CDKL1: variants seen among roughly 807,000 people sequenced by gnomAD.
CDKL1 encodes cyclin dependent kinase like 1.
CDKL1 carries 41 observed loss-of-function variants against 42.0 expected under a neutral mutation model. That is an observed-to-expected ratio of 0.98 (90% CI 0.76 to 1.27). CDKL1 has a LOEUF of 1.27. Ranked by LOEUF, CDKL1 falls within the 50% of genes most tolerant of loss-of-function variation. The pLI is 0.00. For missense variants in CDKL1, 394 were observed against 428.4 expected, an observed-to-expected ratio of 0.92 and a Z score of 0.71; for synonymous variants, 153 against 158.6, an observed-to-expected ratio of 0.96 and a Z score of 0.26.
chr14:50,394,760 C>T (rs942999022), intron 2 of CDKL1, among the ~76,000 whole-genome samples: 4 of 151,694 alleles, frequency 2.6e-5, no homozygotes, highest in Non-Finnish European at 4.4e-5. Context: ...TCTCCATTAG[C>T]GAAAAACACA....
chr14:50,379,204 T>C (rs545693338), intron 2 of CDKL1, among the ~76,000 whole-genome samples: 25 of 152,108 alleles, frequency 1.6e-4, no homozygotes, highest in Admixed American at 1.4e-3. Flanking sequence ...GGGCTTTTAG[T>C]AGGTAAGGCA....
chr14:50,358,747 C>G lies in CDKL1; in HGVS notation c.290+281G>C, dbSNP rs914801583. On this transcript the variant is annotated intron_variant, in intron 3 of 9. Transcript: ENST00000395834. Reference sequence around the variant, plus strand: ...CTCCGCCTCCCAAGTTCAAGCGATTCTCCTGCCTCAGCCTCCCGACTGGCT... The same window carrying G: ...CTCCGCCTCCCAAGTTCAAGCGATTGTCCTGCCTCAGCCTCCCGACTGGCT... Among the ~76,000 whole-genome samples, 8 of 144,276 alleles carry G rather than the reference C, an allele frequency of 5.5e-5. No individual in the cohort carries two copies. In the Admixed American group the frequency reaches 5.8e-4, roughly 11 times the overall value. The allele number at this position is 144,276 out of a possible 152,430, so 94.7% of individuals were successfully genotyped here.
chr14:50,361,877 G>A (rs2034259950), intron 2 of CDKL1, among the ~76,000 whole-genome samples: 3 of 152,244 alleles, frequency 2.0e-5, no homozygotes, highest in South Asian at 2.1e-4. Context: ...CCTTCAGCCC[G>A]CCGCTGCACT....
intron 3 of CDKL1, among the ~76,000 whole-genome samples, chr14:50,346,560 A>C (rs865950657): frequency 1.3e-5 from 2 of 151,934 alleles, no homozygotes; most frequent in Non-Finnish European, 2.9e-5. Context: ...CCTGGACTTA[A>C]GGGATCCTCC....
chr14:50,366,102 T>C (rs565008272), intron 2 of CDKL1, among the ~76,000 whole-genome samples: 84 of 152,164 alleles, frequency 5.5e-4, no homozygotes, highest in Non-Finnish European at 1.0e-3. Flanking sequence ...CATATATACA[T>C]CTATCCTATT....
intron 2 of CDKL1, among the ~76,000 whole-genome samples, chr14:50,360,717 C>T (rs113997907): frequency 7.6e-4 from 116 of 152,186 alleles, no homozygotes; most frequent in African/African-American, 2.7e-3. Flanking sequence ...TGAGCCACCG[C>T]GCCCAGCCTC....
At chr14:50,335,968 C>T in intron 7 of CDKL1, 1 of 1,365,334 alleles carries the variant, frequency 7.3e-7, no homozygotes, top group Non-Finnish European at 9.8e-7. Context: ...TGACAGTAGC[C>T]CCTGTTGCAC....
chr14:50,337,406 C>G (rs1435614191), intron 7 of CDKL1, among the ~76,000 whole-genome samples: 5 of 150,402 alleles, frequency 3.3e-5, no homozygotes, highest in Admixed American at 2.7e-4. Flanking sequence ...GGTTGGAATG[C>G]AGTGGCATGA....
intron 4 of CDKL1, chr14:50,343,177 G>GTTTTTTTTT (rs1566580369): frequency 2.5e-6 from 1 of 400,760 alleles, no homozygotes; most frequent in Admixed American, 4.9e-5. Context: ...TTTTTTTTGA[G>GTTTTTTTTT]TTGGGTCAAA....
intron 2 of CDKL1, among the ~76,000 whole-genome samples, chr14:50,381,078 G>T (rs6572666): frequency 6.6e-6 from 1 of 151,994 alleles, no homozygotes; most frequent in African/African-American, 2.4e-5. Flanking sequence ...ACAGCCCTTG[G>T]GCACTGCTCT....
Position 50,390,457 on chromosome 14 carries a change from G to A in CDKL1, c.168+5244C>T. The A allele has an allele frequency of 1.7e-6, 2 of 1,204,388 alleles. 1 individual carries two copies. The highest frequency in any genetic ancestry group is 2.7e-5 in the South Asian group (2 of 72,748). 74.6% of individuals were successfully genotyped at this position (1,204,388 alleles called of 1,614,324 possible). A position where few individuals can be genotyped will look rare whatever the true frequency, so the allele number is the denominator to read the frequency against. ...AGCAGCATAGGGGCTTGGGGCCTTA[G>A]TAATACAATTATTCTATTGTATTAC... On this transcript the variant is annotated intron_variant, in intron 2 of 9. Transcript: ENST00000395834.
At position 50,329,359 on chromosome 14, in the gene CDKL1, G is replaced by A. The variant is rs1262389070; in HGVS notation, c.*715C>T. 1.3e-5 allele frequency: 2 copies of A among 152,150 alleles called. No individual in the cohort carries two copies. Among genetic ancestry groups the A allele is most frequent in the African/African-American group, 2.4e-5 (1 of 41,424 alleles). 9.4% of individuals were successfully genotyped at this position (152,150 alleles called of 1,614,324 possible). A position where few individuals can be genotyped will look rare whatever the true frequency, so the allele number is the denominator to read the frequency against. On this transcript the variant is annotated 3_prime_UTR_variant, in exon 10 of 10. Coordinates refer to ENST00000395834, the MANE Select transcript of CDKL1 (RefSeq NM_004196.7). Reference sequence around the variant, plus strand: ...CCGAGCTTCATGCCATTGTTTACAAGGGGAATTGGGTGAATAAATGTAGAC... The same window carrying A: ...CCGAGCTTCATGCCATTGTTTACAAAGGGAATTGGGTGAATAAATGTAGAC...
In CDKL1 at chr14:50,328,772, G is replaced by A. The variant is rs8021046; in HGVS notation, c.*1302C>T. The A allele has an allele frequency of 0.56, 84,955 of 151,620 alleles. 23,844 individuals are homozygous for A. The highest frequency in any genetic ancestry group is 0.62 in the East Asian group (3,212 of 5,164). The allele number at this position is 151,620 out of a possible 1,614,324, so 9.4% of individuals were successfully genotyped here. On this transcript the variant is annotated 3_prime_UTR_variant, in exon 10 of 10. Transcript: ENST00000395834. ...TGGAAGGCCAAGGCGCTCAGATCACGTGAGCCCAGGAGTTCAAGACCAGCC... is the reference window on the plus strand; with the variant it reads ...TGGAAGGCCAAGGCGCTCAGATCACATGAGCCCAGGAGTTCAAGACCAGCC...
At chr14:50,342,992 C>A (rs763167309) in intron 4 of CDKL1, 1 of 1,355,784 alleles carries the variant, frequency 7.4e-7, no homozygotes, top group African/African-American at 1.5e-5. Context: ...GCGGCCCCCC[C>A]TCCAGAATTT....
intron 2 of CDKL1, among the ~76,000 whole-genome samples, chr14:50,389,828 A>T (rs2035200795): frequency 6.6e-6 from 1 of 152,128 alleles, no homozygotes; most frequent in Non-Finnish European, 1.5e-5. Flanking sequence ...TCATTGGGAG[A>T]CTTCAGAGTA....
intron 3 of CDKL1, among the ~76,000 whole-genome samples, chr14:50,355,661 G>A (rs574883581): frequency 6.6e-6 from 1 of 152,356 alleles, no homozygotes; most frequent in Non-Finnish European, 1.5e-5. Context: ...TCTTGCCCTT[G>A]AGGATTGTGC....
chr14:50,369,830 G>A (rs2034540734), intron 2 of CDKL1, among the ~76,000 whole-genome samples: 1 of 151,842 alleles, frequency 6.6e-6, no homozygotes, highest in African/African-American at 2.4e-5. Context: ...TGTTGGCCAG[G>A]CTAGTCTCAA....
chr14:50,332,016 A>T (rs772665635), intron 9 of CDKL1: 1 of 1,536,024 alleles, frequency 6.5e-7, no homozygotes, highest in Non-Finnish European at 8.7e-7. Context: ...ACCTGTGCTC[A>T]TGCAGGCTGG....
At chr14:50,347,523 T>A (rs1165883991) in intron 3 of CDKL1, among the ~76,000 whole-genome samples, 1 of 152,064 alleles carries the variant, frequency 6.6e-6, no homozygotes, top group Non-Finnish European at 1.5e-5. Flanking sequence ...TTCTGAGGGA[T>A]TGGATGTGGG....
Sources: gnomAD v4.1 joint callset for allele counts (sites outside exome capture counted in the v4.1 genomes callset) on GRCh38, gnomAD v4.1.1 for gene constraint, MANE v1.5 for transcripts, NCBI Gene and HGNC (gene_info 2026-07-23, HGNC 2026-07-21) for gene names.